Variants in GTF3C1 observed in about 807,000 individuals in gnomAD.
GTF3C1 encodes the protein general transcription factor IIIC subunit 1, also known as general transcription factor 3C polypeptide 1.
In GTF3C1, 57 loss-of-function variants were observed where a neutral mutation model predicts 226.7. That is an observed-to-expected ratio of 0.25 (90% confidence interval 0.20 to 0.31). The LOEUF is 0.31. Among genes scored for constraint, GTF3C1 ranks in the 10% least tolerant of loss-of-function variants. The pLI is 1.00. For synonymous variants in GTF3C1, 1,090 were observed against 1,084.8 expected (o/e 1.00, Z -0.09); for missense variants, 2,217 against 2,776.1 (o/e 0.80, Z 4.53).
chr16:27,493,227 G>T lies in GTF3C1; in HGVS notation c.2848C>A (p.Pro950Thr). The T allele has an allele frequency of 6.2e-7, 1 of 1,610,176 alleles. No homozygotes were observed. Residue 950 changes from proline to threonine, a missense_variant, in exon 17 of 37, where the codon CCC (proline) becomes ACC (threonine). Pro to Thr is a conservative substitution (Grantham distance 38, BLOSUM62 -1). Transcript: ENST00000356183. The stretch of plus-strand genomic sequence containing the variant: ...TTGTACAGAAGCTGCTGCCGAATGG[G>T]CCTGGGGAGAAAGCGGATCAGCGTG... ...KHTLIRFLPR[P>T]IRQQLLYKRR...
At chr16:27,535,716 C>T (rs1255542130) in intron 4 of GTF3C1, among the ~76,000 whole-genome samples, 1 of 152,042 alleles carries the variant, frequency 6.6e-6, no homozygotes, top group African/African-American at 2.4e-5. Context: ...ATGGAGAAAC[C>T]CTGTCTCTCC....
At chr16:27,528,980 G>A (rs1447803546) in intron 5 of GTF3C1, among the ~76,000 whole-genome samples, 1 of 152,160 alleles carries the variant, frequency 6.6e-6, no homozygotes, top group African/African-American at 2.4e-5. Context: ...GGGTGAGAAT[G>A]AGGCAGGCAG....
intron 24 of GTF3C1, 30 bp from the exon 25 acceptor site, chr16:27,484,383 GTCAGTATCC>G (rs1165569963): frequency 6.4e-7 from 1 of 1,557,980 alleles, no homozygotes; most frequent in Admixed American, 1.7e-5. Flanking sequence ...AAGACAAAAA[GTCAGTATCC>G]TCAGAGACGA....
chr16:27,528,899 T>C (rs1454695999), intron 5 of GTF3C1, among the ~76,000 whole-genome samples, 178 bp from the exon 6 acceptor site: 1 of 152,162 alleles, frequency 6.6e-6, no homozygotes, highest in Non-Finnish European at 1.5e-5. Flanking sequence ...CAGAGCAGGA[T>C]ATAAACGATT....
chr16:27,462,286 C>T lies in GTF3C1; in HGVS notation c.6117+8G>A, dbSNP rs747260445. The T allele has an allele frequency of 5.2e-6, 8 of 1,545,068 alleles. No individual in the cohort carries two copies. Among genetic ancestry groups the T allele is most frequent in the Non-Finnish European group, 7.0e-6 (8 of 1,144,960 alleles). On this transcript the variant is annotated splice_region_variant and intron_variant, in intron 36 of 36. Coordinates refer to ENST00000356183, the MANE Select transcript of GTF3C1 (RefSeq NM_001520.4). The surrounding 1 kb of genome is among the most constrained non-coding windows in gnomAD (Gnocchi z 4.5). ...CCACACCCTGCTGAACCCAGGAAGGCCCCACACCTGGAGCAACTCCAGCAC... is the reference window on the plus strand; with the variant it reads ...CCACACCCTGCTGAACCCAGGAAGGTCCCACACCTGGAGCAACTCCAGCAC...
intron 5 of GTF3C1, among the ~76,000 whole-genome samples, chr16:27,530,649 C>T (rs1238789376): frequency 6.6e-6 from 1 of 152,202 alleles, no homozygotes; most frequent in African/African-American, 2.4e-5. Flanking sequence ...GATCTTCATA[C>T]CCAATATGTC....
chr16:27,484,259 C>T lies in GTF3C1; in HGVS notation c.3953G>A (p.Arg1318Gln), dbSNP rs1175696318. 6 of 1,608,078 alleles carry T rather than the reference C, an allele frequency of 3.7e-6. No homozygotes were observed. Among genetic ancestry groups the T allele is most frequent in the Non-Finnish European group, 4.3e-6 (5 of 1,174,512 alleles). The change falls in exon 25 of 37, where the codon CGA becomes CAA. Residue 1318 changes from arginine to glutamine, a missense_variant. By Grantham distance (43) the Arg-to-Gln change is conservative. Transcript: ENST00000356183. ...GTTTTTGACTATGTAGCGAGCTCTT[C>T]GTCCAACGGAATGAGATGTTTTATC... ...SLDKTSHSVGRRARYIVKNPQ... is the reference protein window; with the variant it reads ...SLDKTSHSVGQRARYIVKNPQ...
rs1251372867 is a variant in GTF3C1, at chr16:27,471,743, C to T, written c.4526+5G>A. 1 of 1,605,972 alleles carries T rather than the reference C, an allele frequency of 6.2e-7. No homozygotes were observed. ...GAGTACCCAAGGCTCCTGACAGGTA[C>T]TCACCTGTAGTAGGTCTGGGATAGC... On this transcript the variant is annotated splice_donor_5th_base_variant and intron_variant, in intron 30 of 36. Coordinates refer to ENST00000356183, the MANE Select transcript of GTF3C1 (RefSeq NM_001520.4). The surrounding 1 kb of genome is among the most constrained non-coding windows in gnomAD (Gnocchi z 5.0).
Position 27,461,044 on chromosome 16 carries a change from G to A in GTF3C1, c.*306C>T, listed in dbSNP as rs2087695175. Reference sequence around the variant, plus strand: ...GAGATGGCTAGAGTCTGGAATGTGAGGTGTGCACAGGCGGGGCAAACTCTG... The same window carrying A: ...GAGATGGCTAGAGTCTGGAATGTGAAGTGTGCACAGGCGGGGCAAACTCTG... On this transcript the variant is annotated 3_prime_UTR_variant, in exon 37 of 37. Transcript: ENST00000356183. This position sits in a 1 kb window ranked among gnomAD's most constrained non-coding sequence, Gnocchi z 5.3. 1 of 305,614 alleles carries A rather than the reference G, an allele frequency of 3.3e-6. No individual in the cohort carries two copies. The highest frequency in any genetic ancestry group is 6.1e-6 in the Non-Finnish European group (1 of 162,630). 18.9% of individuals were successfully genotyped at this position (305,614 alleles called of 1,614,324 possible).
intron 6 of GTF3C1, among the ~76,000 whole-genome samples, chr16:27,525,471 CTT>C (rs1316039195): frequency 6.6e-6 from 1 of 152,208 alleles, no homozygotes; most frequent in East Asian, 1.9e-4. Flanking sequence ...GCTGTTCCTT[CTT>C]TGTTTATATA....
Position 27,492,510 on chromosome 16 carries a change from A to G in GTF3C1, c.2979T>C (p.Phe993=). Residue 993 remains phenylalanine, a synonymous_variant, in exon 19 of 37, where the codon TTT becomes TTC. Transcript: ENST00000356183. This position sits in a 1 kb window ranked among gnomAD's most constrained non-coding sequence, Gnocchi z 5.0. ...TEKFQDKDQV[F]IFLKKNAVIV... ...TGACTGCATTCTTCTTCAAGAAGAT[A>G]AAGACCTAAGGGGAGACACCAGACA... 6.2e-7 allele frequency: 1 copy of G among 1,611,324 alleles called. No individual in the cohort carries two copies. The highest frequency in any genetic ancestry group is 8.5e-7 in the Non-Finnish European group (1 of 1,177,460).
At chr16:27,485,570 C>T (rs1359839469) in intron 24 of GTF3C1, among the ~76,000 whole-genome samples, 2 of 152,196 alleles carry the variant, frequency 1.3e-5, no homozygotes, top group African/African-American at 4.8e-5. Flanking sequence ...GGTTAGACTA[C>T]TGGTGAGGAG....
Position 27,469,357 on chromosome 16 carries a change from C to G in GTF3C1, c.5008G>C (p.Val1670Leu), listed in dbSNP as rs1339729298. ...TGGAACTTCATCTGGCAGGAGTTGA[C>G]CACAATGCTGTCGTTGGGGTTGAGG... Reference protein sequence around the residue: ...RNLNPNDSIVVNSCQMKFQLR... With the variant: ...RNLNPNDSIVLNSCQMKFQLR... The change falls in exon 32 of 37, where the codon GTC becomes CTC. Residue 1670 changes from valine (V) to leucine (L), a missense_variant. This residue lies in a region of GTF3C1 where 455 missense variants were observed against 441.9 expected (regional missense o/e 1.03). Transcript: ENST00000356183. The surrounding 1 kb of genome is among the most constrained non-coding windows in gnomAD (Gnocchi z 4.5). 1 of 1,606,404 alleles carries G rather than the reference C, an allele frequency of 6.2e-7. No homozygotes were observed. Among genetic ancestry groups the G allele is most frequent in the Non-Finnish European group, 8.5e-7 (1 of 1,176,434 alleles).
rs2087701553 is a variant in GTF3C1, at chr16:27,461,367, T to A, written c.6313A>T (p.Lys2105Ter). The change falls in exon 37 of 37, where the codon AAG (lysine) becomes TAG (stop). Residue 2105 changes from lysine (K) to a stop codon, truncating the protein, a stop_gained. Transcript: ENST00000356183. LOFTEE classifies it high-confidence loss of function. This position sits in a 1 kb window ranked among gnomAD's most constrained non-coding sequence, Gnocchi z 5.3. The stretch of plus-strand genomic sequence containing the variant: ...CAGGGGTCCTAGAGGTGGATCCACT[T>A]GTTCCAGTTGACCTCGTGGGGGAAC... ...RVFPHEVNWNKWIHL is the reference protein window; with the variant it reads ...RVFPHEVNWN 6.2e-7 allele frequency: 1 copy of A among 1,610,926 alleles called. No homozygotes were observed. Among genetic ancestry groups the A allele is most frequent in the South Asian group, 1.1e-5 (1 of 90,998 alleles).
chr16:27,490,718 G>A (rs543726377), intron 19 of GTF3C1, among the ~76,000 whole-genome samples: 1 of 152,330 alleles, frequency 6.6e-6, no homozygotes, highest in Admixed American at 6.5e-5. Flanking sequence ...GTAGGGCCCA[G>A]TAATCAGCAT....
In GTF3C1 at chr16:27,462,136, A is replaced by G; in HGVS notation, c.6117+158T>C. 1 of 611,710 alleles carries G rather than the reference A, an allele frequency of 1.6e-6. No individual in the cohort carries two copies. Among genetic ancestry groups the G allele is most frequent in the East Asian group, 2.8e-5 (1 of 36,350 alleles). 37.9% of individuals were successfully genotyped at this position (611,710 alleles called of 1,614,324 possible). On this transcript the variant is annotated intron_variant, in intron 36 of 36. Transcript: ENST00000356183. This position sits in a 1 kb window ranked among gnomAD's most constrained non-coding sequence, Gnocchi z 4.5. ...TGGAGCTGGTGAAGGACACTGAGGG[A>G]CAGCCTGAGAGGCAGGAGCCCAGGA...
rs557224396 is a variant in GTF3C1, at chr16:27,492,344, G to A, written c.3145C>T (p.Pro1049Ser). Reference protein sequence around the residue: ...FDLQCVCLNTPLGVVRCPRVR... With the variant: ...FDLQCVCLNTSLGVVRCPRVR... ...CGAGACAGCCGACACCCACCTAGTG[G>A]GGTGTTGAGGCAGACGCACTGCAGG... The change falls in exon 19 of 37, where the codon CCA becomes TCA. Residue 1049 changes from proline (P) to serine (S), a missense_variant. Around this residue, in one of 12 missense-constraint regions of GTF3C1, gnomAD observed 353 missense variants for 411.7 expected, o/e 0.86. Transcript: ENST00000356183. This position sits in a 1 kb window ranked among gnomAD's most constrained non-coding sequence, Gnocchi z 5.0. 3 of 1,582,582 alleles carry A rather than the reference G, an allele frequency of 1.9e-6. No homozygotes were observed. The highest frequency in any genetic ancestry group is 2.2e-5 in the East Asian group (1 of 44,602).
At chr16:27,545,224 G>C (rs2089145701) in intron 2 of GTF3C1, 90 bp downstream of exon 2, 5 of 899,300 alleles carry the variant, frequency 5.6e-6, no homozygotes, top group Non-Finnish European at 9.3e-6. Flanking sequence ...TGATCCACCT[G>C]CCTCGGCCTC....
intron 6 of GTF3C1, among the ~76,000 whole-genome samples, chr16:27,515,855 C>G (rs951425975): frequency 1.3e-5 from 2 of 152,218 alleles, no homozygotes; most frequent in Admixed American, 1.3e-4. Context: ...TTGCTGGGAG[C>G]CAGGCACCAT....
Sources: gnomAD v4.1 joint callset for allele counts (sites outside exome capture counted in the v4.1 genomes callset) on GRCh38, gnomAD v4.1.1 for gene constraint, gnomAD v4.1.1 regional missense constraint, Gnocchi (gnomAD v3.1) non-coding constraint, MANE v1.5 for transcripts, NCBI Gene and HGNC (gene_info 2026-07-23, HGNC 2026-07-21) for gene names.